Variants in NEIL3 observed in about 807,000 individuals in gnomAD.
NEIL3 encodes the protein nei like DNA glycosylase 3, also known as endonuclease 8-like 3.
Under a neutral mutation model 57.5 loss-of-function variants are expected in NEIL3, and 48 were observed. That is an observed-to-expected ratio of 0.83 (90% CI 0.66 to 1.06). The LOEUF is 1.06. NEIL3 is among the 50% of genes least tolerant of loss of function. NEIL3 has a pLI of 0.00. For synonymous variants in NEIL3, 261 were observed against 253.2 expected (o/e 1.03, Z -0.29); for missense variants, 717 against 739.1 (o/e 0.97, Z 0.35).
At chr4:177,333,204 A>C (rs992874991) in intron 2 of NEIL3, among the ~76,000 whole-genome samples, 1 of 152,126 alleles carries the variant, frequency 6.6e-6, no homozygotes. Context: ...TGTAGTTGTC[A>C]TTAATGTGAA....
rs745358876 is a variant in NEIL3, at chr4:177,317,597, CTTTTTTTTTTT to C, written c.157-4848_157-4838del. On this transcript the variant is annotated intron_variant, in intron 1 of 9. Transcript: ENST00000264596. ...TTTTCCACGGTTAGAACTTTCTTTTCTTTTTTTTTTTTTTTTTTTTTTTTGAGATGGAGTCT... is the reference window on the plus strand; with the variant it reads ...TTTTCCACGGTTAGAACTTTCTTTTCTTTTTTTTTTTTTGAGATGGAGTCT... 6.9e-3 allele frequency among the ~76,000 whole-genome samples: 482 copies of C among 70,098 alleles called. 9 individuals carry two copies. Among genetic ancestry groups the C allele is most frequent in the African/African-American group, 0.025 (454 of 18,110 alleles). 46.0% of individuals were successfully genotyped at this position (70,098 alleles called of 152,430 possible). A position where few individuals can be genotyped will look rare whatever the true frequency, so the allele number is the denominator to read the frequency against.
intron 2 of NEIL3, among the ~76,000 whole-genome samples, chr4:177,335,104 T>C (rs1453126226): frequency 2.6e-5 from 4 of 152,122 alleles, no homozygotes; most frequent in African/African-American, 9.7e-5. Flanking sequence ...TTTTTTTTGA[T>C]ACGTAAGATT....
intron 6 of NEIL3, among the ~76,000 whole-genome samples, chr4:177,344,588 T>C (rs1579000346): frequency 6.6e-6 from 1 of 151,192 alleles, no homozygotes; most frequent in East Asian, 2.1e-4. Context: ...AGTCTCGGAG[T>C]CTCACTCTGA....
intron 8 of NEIL3, among the ~76,000 whole-genome samples, chr4:177,357,894 G>A (rs576286903): frequency 2.6e-5 from 4 of 152,244 alleles, no homozygotes; most frequent in South Asian, 2.1e-4. Flanking sequence ...TCATGATCAC[G>A]AAAATGAACA....
intron 1 of NEIL3, among the ~76,000 whole-genome samples, chr4:177,311,391 G>GAGCA (rs1361829311): frequency 1.3e-5 from 2 of 152,068 alleles, no homozygotes; most frequent in Admixed American, 1.3e-4. Context: ...AAGCTGAGGT[G>GAGCA]TGGGCCGGGT....
chr4:177,317,719 A>C (rs1223503942), intron 1 of NEIL3, among the ~76,000 whole-genome samples: 1 of 145,144 alleles, frequency 6.9e-6, no homozygotes, highest in Non-Finnish European at 1.5e-5. Flanking sequence ...CTCCTGCCTC[A>C]GCCTCCCAAA....
intron 2 of NEIL3, among the ~76,000 whole-genome samples, chr4:177,324,076 C>G (rs928035334): frequency 6.6e-6 from 1 of 152,108 alleles, no homozygotes; most frequent in Non-Finnish European, 1.5e-5. Context: ...ATCATTTGCC[C>G]CTCTTTTCAC....
At position 177,311,604 on chromosome 4, in the gene NEIL3, G is replaced by T. The variant is rs188044935; in HGVS notation, c.156+1495G>T. Among the ~76,000 whole-genome samples, 1,008 of 151,440 alleles carry T rather than the reference G, an allele frequency of 6.7e-3. 7 individuals carry two copies. Among genetic ancestry groups the T allele is most frequent in the African/African-American group, 0.023 (956 of 41,184 alleles). On this transcript the variant is annotated intron_variant, in intron 1 of 9. Transcript: ENST00000264596. ...CAGGAGAATCGCTTGAATCCAGGAG[G>T]TGGAGGTTGCAGTGAGCTGAGGTCG...
At chr4:177,334,603 TTA>T (rs1187766033) in intron 2 of NEIL3, among the ~76,000 whole-genome samples, 1 of 152,170 alleles carries the variant, frequency 6.6e-6, no homozygotes, top group Non-Finnish European at 1.5e-5. Flanking sequence ...ATAAGTTAAA[TTA>T]TGGAGTACTT....
At chr4:177,355,293 A>G (rs1242145665) in intron 8 of NEIL3, among the ~76,000 whole-genome samples, 2 of 152,214 alleles carry the variant, frequency 1.3e-5, no homozygotes. Flanking sequence ...ATCCCTCGGT[A>G]TCCTCAAGGG....
chr4:177,323,133 C>T (rs1284077481), intron 2 of NEIL3, among the ~76,000 whole-genome samples: 1 of 152,126 alleles, frequency 6.6e-6, no homozygotes, highest in African/African-American at 2.4e-5. Flanking sequence ...AACCTATTTC[C>T]TTTGTTGACT....
intron 2 of NEIL3, among the ~76,000 whole-genome samples, chr4:177,326,798 A>G (rs1312159800): frequency 6.6e-6 from 1 of 152,020 alleles, no homozygotes; most frequent in Non-Finnish European, 1.5e-5. Context: ...TTTTGGAGCT[A>G]TTGTAAAGGG....
At position 177,335,415 on chromosome 4, in the gene NEIL3, T is replaced by C. The variant is rs113914684; in HGVS notation, c.279-273T>C. Among the ~76,000 whole-genome samples, 1,335 of 152,304 alleles carry C rather than the reference T, an allele frequency of 8.8e-3. 18 individuals are homozygous for C. The highest frequency in any genetic ancestry group is 0.03 in the African/African-American group (1,267 of 41,572). On this transcript the variant is annotated intron_variant, in intron 2 of 9. Coordinates refer to ENST00000264596, the MANE Select transcript of NEIL3 (RefSeq NM_018248.3). ...GAAAAGAGGAGCAGGGGTGTATTTTTTTGGGCTTATTGTTGGTACCATATT... is the reference window on the plus strand; with the variant it reads ...GAAAAGAGGAGCAGGGGTGTATTTTCTTGGGCTTATTGTTGGTACCATATT...
chr4:177,359,293 T>A lies in NEIL3; in HGVS notation c.1461-1210T>A, dbSNP rs184767411. Reference sequence around the variant, plus strand: ...CTGCTCTTATTTTACAAATGGCTATTGAAGAAACCTTCAAAAACTGCCCTC... The same window carrying A: ...CTGCTCTTATTTTACAAATGGCTATAGAAGAAACCTTCAAAAACTGCCCTC... On this transcript the variant is annotated intron_variant, in intron 8 of 9. Coordinates refer to ENST00000264596, the MANE Select transcript of NEIL3 (RefSeq NM_018248.3). 6.1e-4 allele frequency among the ~76,000 whole-genome samples: 93 copies of A among 152,344 alleles called. 2 individuals are homozygous for A. The East Asian group carries it at 0.014, about 23-fold the overall frequency.
downstream of NEIL3, among the ~76,000 whole-genome samples, chr4:177,366,725 T>C (rs946415987): frequency 6.6e-6 from 1 of 152,158 alleles, no homozygotes; most frequent in Non-Finnish European, 1.5e-5. Context: ...TCCCATACTC[T>C]TCCTATTCTT....
Position 177,310,091 on chromosome 4 carries a change from G to C in NEIL3, c.138G>C (p.Thr46=), listed in dbSNP as rs774662149. 5 of 1,588,148 alleles carry C rather than the reference G, an allele frequency of 3.1e-6. No individual in the cohort carries two copies. The highest frequency in any genetic ancestry group is 4.3e-6 in the Non-Finnish European group (5 of 1,169,810). Residue 46 remains threonine, a synonymous_variant, in exon 1 of 10, where the codon ACG becomes ACC. Coordinates refer to ENST00000264596, the MANE Select transcript of NEIL3 (RefSeq NM_018248.3). Reference sequence around the variant, plus strand: ...GCGCCTTGCGGCTCGCAGCCTCCACGGTTGTGGTCTCCCCGCAGGTGAGCT... The same window carrying C: ...GCGCCTTGCGGCTCGCAGCCTCCACCGTTGTGGTCTCCCCGCAGGTGAGCT... ...QGRALRLAAS[T]VVVSPQAAAL...
chr4:177,341,384 A>C (rs1029309612), intron 5 of NEIL3, 92 bp from the exon 6 acceptor site: 8 of 1,017,614 alleles, frequency 7.9e-6, no homozygotes, highest in African/African-American at 1.6e-5. Flanking sequence ...TTAGCAGATG[A>C]TTTTCAGAGG....
chr4:177,345,502 G>A (rs1421176919), intron 6 of NEIL3, among the ~76,000 whole-genome samples: 1 of 151,358 alleles, frequency 6.6e-6, no homozygotes, highest in African/African-American at 2.4e-5. Context: ...TAAGTTTTAG[G>A]GTACATGTGC....
At chr4:177,342,548 G>C (rs928631386) in intron 6 of NEIL3, among the ~76,000 whole-genome samples, 1 of 152,108 alleles carries the variant, frequency 6.6e-6, no homozygotes, top group Non-Finnish European at 1.5e-5. Flanking sequence ...ATGGGTTCAG[G>C]GATATTAGAG....
Sources: allele counts gnomAD v4.1 joint callset (sites outside exome capture counted in the v4.1 genomes callset), GRCh38; gene constraint gnomAD v4.1.1; transcripts MANE v1.5; gene names NCBI Gene and HGNC (gene_info 2026-07-23, HGNC 2026-07-21).